KALRN: variants seen among roughly 807,000 people sequenced by gnomAD.
KALRN encodes the protein kalirin RhoGEF kinase.
Under a neutral mutation model 353.7 loss-of-function variants are expected in KALRN, and 70 were observed. The ratio of observed to expected loss-of-function variants is 0.20; its 90% CI spans 0.16 to 0.24. The LOEUF (loss-of-function observed/expected upper bound fraction) is 0.24. Ranked by LOEUF, KALRN falls within the 10% of genes least tolerant of loss-of-function variation. The probability of loss-of-function intolerance (pLI) is 1.00; values close to 1 mark genes in which losing one functional copy is unlikely to be tolerated. For missense variants in KALRN, 2,791 were observed against 3,756.7 expected, an observed-to-expected ratio of 0.74 and a Z score of 6.72; for synonymous variants, 1,391 against 1,434.8, an observed-to-expected ratio of 0.97 and a Z score of 0.69.
At chr3:124,314,456 A>G (rs536422055) in intron 6 of KALRN, among the ~76,000 whole-genome samples, 2 of 152,240 alleles carry the variant, frequency 1.3e-5, no homozygotes, top group South Asian at 4.2e-4. Flanking sequence ...ATATGTAACA[A>G]ACCCACACGT....
chr3:124,271,157 A>T (rs972886409), intron 5 of KALRN, among the ~76,000 whole-genome samples: 1 of 152,172 alleles, frequency 6.6e-6, no homozygotes, highest in African/African-American at 2.4e-5. Context: ...AAAGATCTGG[A>T]ACATCTCTTT....
chr3:124,647,884 T>C (rs868783868), intron 37 of KALRN, among the ~76,000 whole-genome samples: 1 of 152,228 alleles, frequency 6.6e-6, no homozygotes, highest in African/African-American at 2.4e-5. Flanking sequence ...AATATGGGGA[T>C]GACCTTCCTC....
intron 33 of KALRN, among the ~76,000 whole-genome samples, chr3:124,551,076 C>T (rs1366700789): frequency 6.6e-6 from 1 of 152,030 alleles, no homozygotes; most frequent in East Asian, 1.9e-4. Context: ...AAAGTGTTCC[C>T]TAGAGGGCAT....
chr3:124,264,124 C>T (rs549190062), intron 3 of KALRN, among the ~76,000 whole-genome samples: 1 of 151,004 alleles, frequency 6.6e-6, no homozygotes, highest in Non-Finnish European at 1.5e-5. Context: ...ATCTCTAATC[C>T]GAAAATCCAA....
intron 25 of KALRN, among the ~76,000 whole-genome samples, chr3:124,467,221 G>T (rs1410557608): frequency 6.6e-6 from 1 of 152,162 alleles, no homozygotes; most frequent in East Asian, 1.9e-4. Context: ...TGAGCAGCAG[G>T]GGTAAAATCG....
chr3:124,695,972 G>A (rs1470735649), intron 53 of KALRN, among the ~76,000 whole-genome samples, 162 bp from the exon 54 acceptor site: 2 of 152,156 alleles, frequency 1.3e-5, no homozygotes, highest in Non-Finnish European at 1.5e-5. Context: ...AAGGAACTGG[G>A]GATGTAGAGA....
At chr3:124,474,587 G>A in intron 25 of KALRN, 76 bp from the exon 26 acceptor site, 1 of 1,107,434 alleles carries the variant, frequency 9.0e-7, no homozygotes, top group Non-Finnish European at 1.4e-6. Context: ...AGTTATGGTT[G>A]TGCTGGCCTC....
chr3:124,078,399 A>G (rs1258291464), intron 1 of KALRN, among the ~76,000 whole-genome samples: 2 of 152,206 alleles, frequency 1.3e-5, no homozygotes, highest in African/African-American at 4.8e-5. Flanking sequence ...TAATAGCCTC[A>G]TGGATATTTA....
chr3:124,191,804 G>A (rs1333301826), intron 1 of KALRN, among the ~76,000 whole-genome samples: 1 of 152,162 alleles, frequency 6.6e-6, no homozygotes, highest in Non-Finnish European at 1.5e-5. Flanking sequence ...AGGCTGTAAG[G>A]CTTTAGGAGT....
intron 18 of KALRN, among the ~76,000 whole-genome samples, 183 bp from the exon 19 acceptor site, chr3:124,441,762 A>C (rs1237078436): frequency 6.6e-6 from 1 of 151,732 alleles, no homozygotes; most frequent in Non-Finnish European, 1.5e-5. Context: ...GGAGGTGGAG[A>C]CTGCGGTGAG....
At position 124,395,140 on chromosome 3, in the gene KALRN, G is replaced by C. The variant is rs148882611; in HGVS notation, c.1968G>C (p.Trp656Cys). 5 of 1,612,504 alleles carry C rather than the reference G, an allele frequency of 3.1e-6. No individual in the cohort carries two copies. Among genetic ancestry groups the C allele is most frequent in the Non-Finnish European group, 4.2e-6 (5 of 1,178,878 alleles). Residue 656 changes from tryptophan (W) to cysteine (C), a missense_variant, in exon 12 of 60, where the codon TGG (tryptophan) becomes TGC (cysteine). This residue lies in a region of KALRN where 452 missense variants were observed against 575.8 expected (regional missense o/e 0.78). Transcript: ENST00000682506. ...TCTCTGCTCTCTCTCTACAGTTGTG[G>C]ACATGGATGGAAGACCTTCAGAAGG... ...VSFHTHTKEL[W>C]TWMEDLQKEM...
chr3:124,605,683 G>A (rs193263641), intron 34 of KALRN, among the ~76,000 whole-genome samples: 10 of 151,852 alleles, frequency 6.6e-5, no homozygotes, highest in African/African-American at 1.7e-4. Flanking sequence ...AGACTTTGAA[G>A]CTCCATAGAC....
At chr3:124,586,465 G>A (rs897944062) in intron 34 of KALRN, among the ~76,000 whole-genome samples, 7 of 152,150 alleles carry the variant, frequency 4.6e-5, no homozygotes, top group African/African-American at 1.7e-4. Context: ...AACTCTCTGG[G>A]CGTCTTGCTG....
intron 11 of KALRN, among the ~76,000 whole-genome samples, chr3:124,393,241 C>A (rs1316148202): frequency 6.6e-6 from 1 of 152,206 alleles, no homozygotes; most frequent in Non-Finnish European, 1.5e-5. Context: ...GTTGGGATTG[C>A]AGGTGTGAAC....
intron 1 of KALRN, among the ~76,000 whole-genome samples, chr3:124,107,526 A>G (rs986907172): frequency 2.0e-5 from 3 of 152,124 alleles, no homozygotes; most frequent in Non-Finnish European, 4.4e-5. Context: ...GGCCCCCTAG[A>G]GCTTCTTTTC....
intron 58 of KALRN, among the ~76,000 whole-genome samples, chr3:124,716,424 T>G (rs1440064936): frequency 6.6e-6 from 1 of 152,194 alleles, no homozygotes; most frequent in Admixed American, 6.5e-5. Flanking sequence ...CTTGGGAAGC[T>G]GAGACACCAG....
chr3:124,343,396 G>T (rs1024307173), intron 9 of KALRN, among the ~76,000 whole-genome samples: 6 of 152,122 alleles, frequency 3.9e-5, no homozygotes, highest in African/African-American at 1.4e-4. Context: ...CTAGGTTCAA[G>T]CAATCCACCT....
intron 15 of KALRN, among the ~76,000 whole-genome samples, chr3:124,424,909 A>G (rs1231497772): frequency 6.6e-6 from 1 of 152,210 alleles, no homozygotes; most frequent in Non-Finnish European, 1.5e-5. Flanking sequence ...TTGACTGGTC[A>G]GCTGAAACTT....
At chr3:124,236,687 A>C (rs1046559059) in intron 3 of KALRN, among the ~76,000 whole-genome samples, 5 of 152,218 alleles carry the variant, frequency 3.3e-5, no homozygotes, top group Non-Finnish European at 7.3e-5. Context: ...TGTTAAGCAA[A>C]GAGTGGGACA....
Sources: gnomAD v4.1 joint callset for allele counts (sites outside exome capture counted in the v4.1 genomes callset) on GRCh38, gnomAD v4.1.1 for gene constraint, gnomAD v4.1.1 regional missense constraint, MANE v1.5 for transcripts, NCBI Gene and HGNC (gene_info 2026-07-23, HGNC 2026-07-21) for gene names.